The following TENM1 variants were observed in gnomAD, a reference collection of about 807,000 sequenced individuals.
TENM1 encodes teneurin transmembrane protein 1, also known as teneurin-1.
In TENM1, 35 loss-of-function variants were observed where a neutral mutation model predicts 174.8. The observed-to-expected ratio is 0.20, with a 90% CI of 0.15 to 0.27. The LOEUF (loss-of-function observed/expected upper bound fraction) is 0.27, where lower values mean the gene tolerates loss of function less well. Among genes scored for constraint, TENM1 ranks in the 10% least tolerant of loss-of-function variants. The probability of loss-of-function intolerance (pLI) is 1.00; values close to 1 mark genes in which losing one functional copy is unlikely to be tolerated. For missense variants in TENM1, 1,633 were observed against 2,130.1 expected (o/e 0.77, Z 4.59); for synonymous variants, 781 against 798.7 (o/e 0.98, Z 0.37).
At chrX:124,378,275 C>T (rs766774007) in exon 32 of TENM1, 11 of 112,184 alleles carry the variant, frequency 9.8e-5, no homozygotes, top group African/African-American at 1.9e-4. Context: ...ATTGCAAAAA[C>T]GTATAATTGC....
Position 124,383,654 on chromosome X carries a change from T to C in TENM1, c.7277A>G (p.Asp2426Gly). 8.3e-7 allele frequency: 1 copy of C among 1,209,682 alleles called. No homozygotes were observed. Among genetic ancestry groups the C allele is most frequent in the South Asian group, 1.8e-5 (1 of 56,708 alleles). Residue 2426 changes from aspartate to glycine, a missense_variant, in exon 30 of 32, where the codon GAT becomes GGT. Physicochemically the swap from Asp to Gly is moderately conservative, Grantham distance 94 (BLOSUM62 -1). Around this residue, in one of 4 missense-constraint regions of TENM1, gnomAD observed 807 missense variants for 1,125.3 expected, o/e 0.72. Transcript: ENST00000422452. ...AATACCTGTGGTATACTTTGCAACA[T>C]CTTGAATTTTGCCAACTGGGTAGTT...
Position 124,868,069 on chromosome X carries a change from C to G in TENM1, c.535+26227G>C, listed in dbSNP as rs573841905. ...TGACCATACTATCCAAAGCAATCTACAGATTTGATGCAATCCCTATTAAAA... is the reference window on the plus strand; with the variant it reads ...TGACCATACTATCCAAAGCAATCTAGAGATTTGATGCAATCCCTATTAAAA... On this transcript the variant is annotated intron_variant, in intron 3 of 31. Coordinates refer to ENST00000422452, the Ensembl canonical transcript of TENM1. 2.8e-4 allele frequency among the ~76,000 whole-genome samples: 31 copies of G among 111,794 alleles called. No homozygotes were observed. In the South Asian group the frequency reaches 0.011, roughly 41 times the overall value.
intron 3 of TENM1, among the ~76,000 whole-genome samples, chrX:124,857,463 AT>A (rs2056835200): frequency 1.8e-5 from 2 of 111,742 alleles, no homozygotes; most frequent in Non-Finnish European, 3.8e-5. Context: ...TTTTGAAAAC[AT>A]GCAAAGCGAT....
intron 3 of TENM1, among the ~76,000 whole-genome samples, chrX:124,754,099 C>T (rs1325922774): frequency 9.0e-6 from 1 of 111,461 alleles, no homozygotes; most frequent in Non-Finnish European, 1.9e-5. Context: ...TAGAATTCGG[C>T]TGTGAATCCA....
chrX:124,704,929 C>T, intron 5 of TENM1, 84 bp downstream of exon 8: 1 of 709,555 alleles, frequency 1.4e-6, no homozygotes, highest in Non-Finnish European at 2.2e-6. Context: ...ATGCCAGAAT[C>T]GAGAGAAAAA....
At chrX:124,610,287 G>C (rs1396132576) in intron 11 of TENM1, among the ~76,000 whole-genome samples, 1 of 112,088 alleles carries the variant, frequency 8.9e-6, no homozygotes, top group East Asian at 2.8e-4. Flanking sequence ...TGCAATAATA[G>C]GAAGTAATTC....
exon 15 of TENM1, chrX:124,547,037 T>C (rs192176958): frequency 2.0e-5 from 24 of 1,210,083 alleles, no homozygotes; most frequent in African/African-American, 3.5e-5. Flanking sequence ...AGAGGACTTA[T>C]ATAACAGTTG....
At position 124,644,289 on chromosome X, in the gene TENM1, T is replaced by C. The variant is rs1602889067; in HGVS notation, c.1876+854A>G. On this transcript the variant is annotated intron_variant, in intron 10 of 31. Transcript: ENST00000422452. Reference sequence around the variant, plus strand: ...TAATGGGAGGTGAAAAGCTAAAGTCTTGCTTGTTCATGGAGTGGAATGAGA... The same window carrying C: ...TAATGGGAGGTGAAAAGCTAAAGTCCTGCTTGTTCATGGAGTGGAATGAGA... 3.8e-5 allele frequency among the ~76,000 whole-genome samples: 4 copies of C among 105,790 alleles called. No individual in the cohort carries two copies. In the Middle Eastern group the frequency reaches 0.019, roughly 511 times the overall value. The allele number at this position is 105,790 out of a possible 115,157, so 91.9% of individuals were successfully genotyped here.
intron 5 of TENM1, among the ~76,000 whole-genome samples, chrX:124,676,313 T>TATATAC (rs2052084260): frequency 1.9e-5 from 1 of 51,999 alleles, no homozygotes; most frequent in African/African-American, 6.7e-5. Flanking sequence ...TATATATATA[T>TATATAC]ACTCAATGAA....
At chrX:124,774,909 G>T (rs985116523) in intron 3 of TENM1, among the ~76,000 whole-genome samples, 2 of 110,374 alleles carry the variant, frequency 1.8e-5, no homozygotes, top group African/African-American at 6.6e-5. Context: ...CATTCTAAAG[G>T]TTCTCCCTCC....
the TENM1 span, among the ~76,000 whole-genome samples, chrX:125,164,079 T>G: frequency 4.5e-5 from 5 of 111,878 alleles, no homozygotes; most frequent in Non-Finnish European, 7.5e-5. Flanking sequence ...AATGAGCTGA[T>G]CTGGAGAGAA....
chrX:125,012,693 A>G, the TENM1 span, among the ~76,000 whole-genome samples: 3 of 111,817 alleles, frequency 2.7e-5, no homozygotes, highest in African/African-American at 9.7e-5. Context: ...CTCACTCCAA[A>G]TCAAATGCGC....
the TENM1 span, among the ~76,000 whole-genome samples, chrX:125,051,231 T>C: frequency 8.9e-6 from 1 of 111,778 alleles, no homozygotes; most frequent in African/African-American, 3.3e-5. Context: ...TCCACGCTCA[T>C]GGGTAGGAAG....
At chrX:124,800,380 T>A (rs1414897399) in intron 3 of TENM1, among the ~76,000 whole-genome samples, 4 of 111,477 alleles carry the variant, frequency 3.6e-5, no homozygotes, top group African/African-American at 1.3e-4. Context: ...ATTTTCTAGC[T>A]TATTTGCATG....
chrX:124,641,794 T>C, exon 11 of TENM1: 1 of 1,210,036 alleles, frequency 8.3e-7, no homozygotes, highest in Non-Finnish European at 1.1e-6. Context: ...ACTACACCTG[T>C]TGAGCAGTCA....
intron 4 of TENM1, among the ~76,000 whole-genome samples, chrX:124,722,429 T>C (rs1657314330): frequency 9.0e-6 from 1 of 111,529 alleles, no homozygotes; most frequent in African/African-American, 3.3e-5. Flanking sequence ...ATATGATGTA[T>C]ATTTGAGAAC....
At chrX:124,788,538 A>T (rs140009465) in intron 3 of TENM1, among the ~76,000 whole-genome samples, 81 of 112,783 alleles carry the variant, frequency 7.2e-4, no homozygotes, top group African/African-American at 2.5e-3. Context: ...TAATTTGTAG[A>T]TACAATGGGG....
At position 124,442,190 on chromosome X, in the gene TENM1, A is replaced by T. The variant is rs759519143; in HGVS notation, c.4104+11147T>A. On this transcript the variant is annotated intron_variant, in intron 23 of 31. Coordinates refer to ENST00000422452, the Ensembl canonical transcript of TENM1. ...GGCCAGAGACCTTTTCTTTGCTTTG[A>T]CAGTGAGATAAGTTCCATAGTCATG... Among the ~76,000 whole-genome samples, 4 of 112,462 alleles carry T rather than the reference A, an allele frequency of 3.6e-5. No homozygotes were observed. The East Asian group carries it at 1.1e-3, about 31-fold the overall frequency.
intron 25 of TENM1, among the ~76,000 whole-genome samples, chrX:124,409,530 C>T (rs866706398): frequency 1.1e-4 from 12 of 109,957 alleles, no homozygotes; most frequent in South Asian, 4.0e-4. Context: ...CCAGGGCAAT[C>T]AGGCAGGAGA....
Sources: allele counts gnomAD v4.1 joint callset (sites outside exome capture counted in the v4.1 genomes callset), GRCh38; gene constraint gnomAD v4.1.1; regional missense constraint gnomAD v4.1.1; transcripts MANE v1.5; gene names NCBI Gene and HGNC (gene_info 2026-07-23, HGNC 2026-07-21).